UGT8: variants seen among roughly 807,000 people sequenced by gnomAD.
UGT8 encodes the protein UDP glycosyltransferase 8.
A neutral mutation model predicts 40.5 loss-of-function variants in UGT8; 12 were observed. The ratio of observed to expected loss-of-function variants is 0.30; its 90% CI spans 0.19 to 0.48. The LOEUF (loss-of-function observed/expected upper bound fraction) is 0.48. Ranked by LOEUF, UGT8 falls within the 20% of genes least tolerant of loss-of-function variation. The pLI is 0.99. For missense variants in UGT8, 513 were observed against 648.7 expected, an observed-to-expected ratio of 0.79 and a Z score of 2.27; for synonymous variants, 224 against 240.4, an observed-to-expected ratio of 0.93 and a Z score of 0.63.
chr4:114,627,460 G>T (rs150604099), intron 2 of UGT8, among the ~76,000 whole-genome samples: 1 of 151,780 alleles, frequency 6.6e-6, no homozygotes, highest in East Asian at 1.9e-4. Flanking sequence ...GAGTTTCACC[G>T]TGTTAGCCAG....
At chr4:114,651,107 T>G (rs900015596) in intron 2 of UGT8, among the ~76,000 whole-genome samples, 8 of 152,122 alleles carry the variant, frequency 5.3e-5, no homozygotes, top group African/African-American at 1.9e-4. Context: ...AGACTCAGGT[T>G]TTTAGAACTT....
In UGT8 at chr4:114,647,894, C is replaced by T. The variant is rs865794978; in HGVS notation, c.823-16101C>T. Among the ~76,000 whole-genome samples the T allele has an allele frequency of 1.1e-4, 17 of 152,220 alleles. No homozygotes were observed. The South Asian group carries it at 1.7e-3, about 15-fold the overall frequency. On this transcript the variant is annotated intron_variant, in intron 2 of 5. Coordinates refer to ENST00000310836, the MANE Select transcript of UGT8 (RefSeq NM_001128174.3). The stretch of plus-strand genomic sequence containing the variant: ...CTTATTGCTTTGTCCTTGTTCTTGA[C>T]GGTTAATTGACATAACTGTGGAAGA...
intron 2 of UGT8, among the ~76,000 whole-genome samples, chr4:114,630,090 C>T (rs1040641681): frequency 6.6e-6 from 1 of 152,104 alleles, no homozygotes; most frequent in Non-Finnish European, 1.5e-5. Flanking sequence ...TTGCTACTGC[C>T]AAAGGGTTTG....
At chr4:114,650,207 G>A (rs773589402) in intron 2 of UGT8, among the ~76,000 whole-genome samples, 1 of 152,186 alleles carries the variant, frequency 6.6e-6, no homozygotes, top group Non-Finnish European at 1.5e-5. Context: ...CAGAATGCCT[G>A]GCAATTGGCT....
intron 5 of UGT8, among the ~76,000 whole-genome samples, chr4:114,674,793 T>A (rs1158758185): frequency 2.0e-5 from 3 of 152,240 alleles, no homozygotes; most frequent in African/African-American, 7.2e-5. Context: ...TAGTGCTATA[T>A]CCTCCATGAT....
chr4:114,609,344 T>A (rs1284934668), intron 1 of UGT8, among the ~76,000 whole-genome samples: 1 of 152,224 alleles, frequency 6.6e-6, no homozygotes, highest in Non-Finnish European at 1.5e-5. Flanking sequence ...AAGTAATGCT[T>A]GTCTGTTTAA....
chr4:114,636,714 T>C (rs1477076380), intron 2 of UGT8, among the ~76,000 whole-genome samples: 4 of 152,122 alleles, frequency 2.6e-5, no homozygotes, highest in African/African-American at 7.2e-5. Flanking sequence ...CCCCTCTCCC[T>C]TCCCCCAAAC....
intron 5 of UGT8, among the ~76,000 whole-genome samples, chr4:114,672,365 C>A (rs1276380652): frequency 6.6e-6 from 1 of 152,106 alleles, no homozygotes; most frequent in East Asian, 1.9e-4. Context: ...AAGACACAAG[C>A]ACACGTATGT....
At position 114,623,720 on chromosome 4, in the gene UGT8, C is replaced by T; in HGVS notation, c.822+18C>T. ...TACCAGAAGTAAGGTTTGCCGAATT[C>T]CTTGGTAATTCTTTTTTAATGTAAA... On this transcript the variant is annotated intron_variant, in intron 2 of 5. Coordinates refer to ENST00000310836, the MANE Select transcript of UGT8 (RefSeq NM_001128174.3). 6.4e-7 allele frequency: 1 copy of T among 1,559,434 alleles called. No homozygotes were observed.
chr4:114,633,465 T>A (rs1375624535), intron 2 of UGT8, among the ~76,000 whole-genome samples: 1 of 152,092 alleles, frequency 6.6e-6, no homozygotes. Flanking sequence ...CTTTACATTT[T>A]GAAGAACTGA....
chr4:114,606,915 C>T (rs760007748), intron 1 of UGT8, among the ~76,000 whole-genome samples: 5 of 152,152 alleles, frequency 3.3e-5, no homozygotes, highest in African/African-American at 4.8e-5. Context: ...CCCCACATGC[C>T]TGTGATCCTC....
At chr4:114,669,130 A>T (rs1735074879) in intron 5 of UGT8, among the ~76,000 whole-genome samples, 1 of 152,204 alleles carries the variant, frequency 6.6e-6, no homozygotes, top group African/African-American at 2.4e-5. Flanking sequence ...TAATAAGAAA[A>T]ATTATTTCAT....
At chr4:114,607,565 T>C (rs1169404586) in intron 1 of UGT8, among the ~76,000 whole-genome samples, 1 of 152,152 alleles carries the variant, frequency 6.6e-6, no homozygotes, top group African/African-American at 2.4e-5. Context: ...TTCATGCCCA[T>C]AGACTGGATT....
intron 1 of UGT8, among the ~76,000 whole-genome samples, chr4:114,602,284 T>C (rs1191134087): frequency 6.6e-6 from 1 of 152,214 alleles, no homozygotes; most frequent in Admixed American, 6.5e-5. Flanking sequence ...CTTTCTGCCA[T>C]TGAAACTTAC....
chr4:114,640,429 A>G (rs1240847138), intron 2 of UGT8, among the ~76,000 whole-genome samples: 3 of 152,124 alleles, frequency 2.0e-5, no homozygotes, highest in Non-Finnish European at 2.9e-5. Context: ...AGTAGGCCCT[A>G]GCTGACATCC....
At chr4:114,604,678 A>G (rs1019795725) in intron 1 of UGT8, among the ~76,000 whole-genome samples, 5 of 152,164 alleles carry the variant, frequency 3.3e-5, no homozygotes, top group Admixed American at 6.5e-5. Flanking sequence ...TTGGAAGTCA[A>G]CCAACAATTG....
chr4:114,604,118 C>A (rs1056875628), intron 1 of UGT8, among the ~76,000 whole-genome samples: 1 of 152,068 alleles, frequency 6.6e-6, no homozygotes, highest in African/African-American at 2.4e-5. Context: ...TCCATGCTTC[C>A]GCCAGTCAGG....
intron 1 of UGT8, among the ~76,000 whole-genome samples, chr4:114,601,225 G>A (rs1214232750): frequency 6.6e-6 from 1 of 152,024 alleles, no homozygotes; most frequent in Non-Finnish European, 1.5e-5. Context: ...ACTACTTTTC[G>A]TTTAAAGATT....
At chr4:114,611,791 A>AT (rs1322757168) in intron 1 of UGT8, among the ~76,000 whole-genome samples, 24 of 152,108 alleles carry the variant, frequency 1.6e-4, no homozygotes, top group African/African-American at 4.3e-4. Flanking sequence ...GGAAAATTGC[A>AT]TTTTTTAAAA....
Sources: gnomAD v4.1 joint callset for allele counts (sites outside exome capture counted in the v4.1 genomes callset) on GRCh38, gnomAD v4.1.1 for gene constraint, MANE v1.5 for transcripts, NCBI Gene and HGNC (gene_info 2026-07-23, HGNC 2026-07-21) for gene names.